The following UBXN7 variants were observed in gnomAD, a reference collection of about 807,000 sequenced individuals.
The protein encoded by UBXN7 is UBX domain-containing protein 7.
A neutral mutation model predicts 58.0 loss-of-function variants in UBXN7; 9 were observed. The ratio of observed to expected loss-of-function variants is 0.16; its 90% confidence interval spans 0.09 to 0.27. The LOEUF (loss-of-function observed/expected upper bound fraction) is 0.27, where lower values mean the gene tolerates loss of function less well. UBXN7 is among the 10% of genes least tolerant of loss of function. UBXN7 has a pLI of 1.00. For synonymous variants in UBXN7, 208 were observed against 205.0 expected (o/e 1.01, Z -0.12); for missense variants, 328 against 599.6 (o/e 0.55, Z 4.73).
Position 196,378,856 on chromosome 3 carries a change from G to T in UBXN7, c.469-6814C>A, listed in dbSNP as rs548932241. On this transcript the variant is annotated intron_variant, in intron 5 of 10. Coordinates refer to ENST00000296328, the MANE Select transcript of UBXN7 (RefSeq NM_015562.2). ...CAGCTTCTTTCCATGTTGGTTTTGGGGGATTTTAGCCAGCTTCTTTCCATG... is the reference window on the plus strand; with the variant it reads ...CAGCTTCTTTCCATGTTGGTTTTGGTGGATTTTAGCCAGCTTCTTTCCATG... 4.1e-5 allele frequency among the ~76,000 whole-genome samples: 6 copies of T among 145,720 alleles called. No individual in the cohort carries two copies. The East Asian group carries it at 1.0e-3, about 25-fold the overall frequency.
At chr3:196,391,353 T>G (rs1199154794) in intron 5 of UBXN7, among the ~76,000 whole-genome samples, 1 of 152,146 alleles carries the variant, frequency 6.6e-6, no homozygotes, top group Non-Finnish European at 1.5e-5. Flanking sequence ...CAATGTAACC[T>G]TTAGGCATAT....
intron 7 of UBXN7, 63 bp downstream of exon 7, chr3:196,369,354 GATCA>G: frequency 8.1e-7 from 1 of 1,240,646 alleles, no homozygotes; most frequent in Non-Finnish European, 1.2e-6. Context: ...AAATATTAAA[GATCA>G]ATCATTTAGG....
At chr3:196,398,194 C>T (rs997810026) in intron 3 of UBXN7, among the ~76,000 whole-genome samples, 1 of 152,232 alleles carries the variant, frequency 6.6e-6, no homozygotes, top group African/African-American at 2.4e-5. Flanking sequence ...GATCCTCCTC[C>T]ATTCAGGCTT....
intron 8 of UBXN7, among the ~76,000 whole-genome samples, chr3:196,365,136 G>A (rs573863451): frequency 6.6e-6 from 1 of 151,112 alleles, no homozygotes; most frequent in Non-Finnish European, 1.5e-5. Context: ...AATTTCTCTT[G>A]TAGCTAGAAA....
intron 7 of UBXN7, 84 bp downstream of exon 7, chr3:196,369,337 T>G: frequency 9.0e-7 from 1 of 1,106,646 alleles, no homozygotes. Context: ...TGAAAACAGA[T>G]CCAGTCAAAT....
At chr3:196,377,730 C>A (rs188452935) in intron 5 of UBXN7, among the ~76,000 whole-genome samples, 10 of 152,108 alleles carry the variant, frequency 6.6e-5, no homozygotes, top group Admixed American at 5.2e-4. Context: ...GCAATGGCAC[C>A]ACCACAGCTC....
chr3:196,420,840 C>G (rs1730659823), intron 1 of UBXN7, among the ~76,000 whole-genome samples: 1 of 152,178 alleles, frequency 6.6e-6, no homozygotes, highest in East Asian at 1.9e-4. Context: ...GTCTACACTA[C>G]TCTCAGTGCC....
At chr3:196,360,754 C>T (rs1174039353) in intron 10 of UBXN7, among the ~76,000 whole-genome samples, 2 of 152,108 alleles carry the variant, frequency 1.3e-5, no homozygotes, top group Non-Finnish European at 2.9e-5. Flanking sequence ...ACATTTTGGC[C>T]AGGCACGGAG....
chr3:196,411,220 A>G (rs1272379497), intron 1 of UBXN7, among the ~76,000 whole-genome samples: 3 of 152,166 alleles, frequency 2.0e-5, no homozygotes, highest in African/African-American at 7.2e-5. Flanking sequence ...TTGCCTTGGT[A>G]TCTCCCAGCA....
At chr3:196,366,475 A>G (rs11185535) in intron 8 of UBXN7, among the ~76,000 whole-genome samples, 1 of 150,304 alleles carries the variant, frequency 6.7e-6, no homozygotes, top group Non-Finnish European at 1.5e-5. Context: ...TTTTTTTTTT[A>G]AAGTTCTCTC....
intron 1 of UBXN7, among the ~76,000 whole-genome samples, chr3:196,418,457 T>C (rs1406392091): frequency 3.9e-5 from 6 of 152,214 alleles, no homozygotes; most frequent in Non-Finnish European, 8.8e-5. Flanking sequence ...CTCACTCATC[T>C]GATGCTATGA....
intron 1 of UBXN7, among the ~76,000 whole-genome samples, chr3:196,430,392 CTTT>C (rs1026945327): frequency 2.7e-5 from 4 of 150,496 alleles, no homozygotes; most frequent in African/African-American, 9.8e-5. Flanking sequence ...TAATAAGTGG[CTTT>C]TTTTTTCTTT....
At chr3:196,410,580 T>C (rs1730293926) in intron 1 of UBXN7, among the ~76,000 whole-genome samples, 1 of 152,196 alleles carries the variant, frequency 6.6e-6, no homozygotes, top group South Asian at 2.1e-4. Context: ...TCCCAGCACT[T>C]TGGGAGGCCA....
Position 196,375,183 on chromosome 3 carries a change from CCACACACACACACA to C in UBXN7, c.469-3155_469-3142del, listed in dbSNP as rs56188527. ...GAGAGCAGATTATTAGGTGCTCTTA[CCACACACACACACA>C]CACACACACACACACACACACACAC... On this transcript the variant is annotated intron_variant, in intron 5 of 10. Coordinates refer to ENST00000296328, the MANE Select transcript of UBXN7 (RefSeq NM_015562.2). Among the ~76,000 whole-genome samples, 377 of 139,818 alleles carry C rather than the reference CCACACACACACACA, an allele frequency of 2.7e-3. 2 individuals are homozygous for C. The highest frequency in any genetic ancestry group is 7.1e-3 in the African/African-American group (267 of 37,600). 91.7% of individuals were successfully genotyped at this position (139,818 alleles called of 152,430 possible).
At chr3:196,359,550 A>C (rs1728448681) in intron 10 of UBXN7, among the ~76,000 whole-genome samples, 1 of 152,224 alleles carries the variant, frequency 6.6e-6, no homozygotes, top group African/African-American at 2.4e-5. Context: ...CAAACAGCCA[A>C]GCTGTGAATG....
chr3:196,387,270 C>T (rs1164272431), intron 5 of UBXN7, among the ~76,000 whole-genome samples: 1 of 152,148 alleles, frequency 6.6e-6, no homozygotes, highest in Non-Finnish European at 1.5e-5. Flanking sequence ...TTCCTTACAC[C>T]TTATACAAAA....
intron 1 of UBXN7, among the ~76,000 whole-genome samples, chr3:196,420,542 A>ATT (rs1730649501): frequency 6.6e-6 from 1 of 151,938 alleles, no homozygotes; most frequent in Non-Finnish European, 1.5e-5. Flanking sequence ...AAAAAAAAAA[A>ATT]AAATTAAATT....
At position 196,353,013 on chromosome 3, in the gene UBXN7, C is replaced by T. The variant is rs1286043836; in HGVS notation, c.*3672G>A. 1 of 152,116 alleles carries T rather than the reference C, an allele frequency of 6.6e-6. No homozygotes were observed. The highest frequency in any genetic ancestry group is 1.5e-5 in the Non-Finnish European group (1 of 68,010). 9.4% of individuals were successfully genotyped at this position (152,116 alleles called of 1,614,324 possible). The stretch of plus-strand genomic sequence containing the variant: ...TCACCAGTGCATCATTTTAAAAAAG[C>T]AATAATCAGCCTCTCAAAATAATGG... On this transcript the variant is annotated 3_prime_UTR_variant, in exon 11 of 11. Transcript: ENST00000296328.
rs35766312 is a variant in UBXN7, at chr3:196,401,248, C to CAAAAAAAAAAAAAA, written c.289+1690_289+1703dup. ...CTAACATGGAGAAACCCCGTCTCTC[C>CAAAAAAAAAAAAAA]AAAAAAAAAAAAAAAAAAAAAAAAA... On this transcript the variant is annotated intron_variant, in intron 3 of 10. Coordinates refer to ENST00000296328, the MANE Select transcript of UBXN7 (RefSeq NM_015562.2). Among the ~76,000 whole-genome samples the CAAAAAAAAAAAAAA allele has an allele frequency of 2.2e-3, 5 of 2,274 alleles. 2 individuals are homozygous for CAAAAAAAAAAAAAA. The highest frequency in any genetic ancestry group is 3.4e-3 in the Non-Finnish European group (4 of 1,180). The allele number at this position is 2,274 out of a possible 152,430, so 1.5% of individuals were successfully genotyped here.
Sources: gnomAD v4.1 joint callset for allele counts (sites outside exome capture counted in the v4.1 genomes callset) on GRCh38, gnomAD v4.1.1 for gene constraint, MANE v1.5 for transcripts, NCBI Gene and HGNC (gene_info 2026-07-23, HGNC 2026-07-21) for gene names.